The following HCLS1 variants were observed in gnomAD, a reference collection of about 807,000 sequenced individuals.
HCLS1 encodes hematopoietic lineage cell-specific protein.
In HCLS1, 44 loss-of-function variants were observed where a neutral mutation model predicts 68.6. That is an observed-to-expected ratio of 0.64 (90% CI 0.50 to 0.82). The LOEUF is 0.82. Among genes scored for constraint, HCLS1 ranks in the 40% least tolerant of loss-of-function variants. The probability of loss-of-function intolerance (pLI) is 0.00; values close to 1 mark genes in which losing one functional copy is unlikely to be tolerated. For synonymous variants in HCLS1, 217 were observed against 225.8 expected, an observed-to-expected ratio of 0.96 and a Z score of 0.35; for missense variants, 602 against 612.1, an observed-to-expected ratio of 0.98 and a Z score of 0.17.
chr3:121,652,264 G>T (rs975163672), intron 3 of HCLS1, among the ~76,000 whole-genome samples: 1 of 152,164 alleles, frequency 6.6e-6, no homozygotes, highest in Non-Finnish European at 1.5e-5. Context: ...CATGGTAATA[G>T]ATATATTCTA....
intron 2 of HCLS1, chr3:121,658,057 C>T: frequency 3.7e-6 from 2 of 543,174 alleles, no homozygotes; most frequent in South Asian, 4.4e-5. Context: ...CAAACTCACC[C>T]ACACCTGTCT....
Position 121,658,286 on chromosome 3 carries a change from C to T in HCLS1, c.62G>A (p.Trp21Ter). 1 of 1,613,910 alleles carries T rather than the reference C, an allele frequency of 6.2e-7. No homozygotes were observed. The highest frequency in any genetic ancestry group is 2.2e-5 in the East Asian group (1 of 44,872). Residue 21 changes from tryptophan to a stop codon, truncating the protein, a stop_gained, in exon 2 of 14, where the codon TGG becomes TAG. Coordinates refer to ENST00000314583, the MANE Select transcript of HCLS1 (RefSeq NM_005335.6). LOFTEE classifies it high-confidence loss of function. The stretch of plus-strand genomic sequence containing the variant: ...CACCACAAAGTCAGGATCTGTGTCC[C>T]AATCATCACCCTGGGTCTCCACGGA... Reference protein sequence around the residue: ...SVSVETQGDDWDTDPDFVNDI... With the variant: ...SVSVETQGDD
At chr3:121,649,844 GTGTT>G (rs202222919) in intron 3 of HCLS1, among the ~76,000 whole-genome samples, 2,573 of 152,236 alleles carry the variant, frequency 0.017, 59 homozygotes, top group African/African-American at 0.058. Context: ...TCCTCAATCT[GTGTT>G]TGTTTTTTAT....
chr3:121,635,237 T>TCTCTC (rs2049138799), intron 9 of HCLS1, among the ~76,000 whole-genome samples: 1 of 114,342 alleles, frequency 8.7e-6, no homozygotes, highest in African/African-American at 3.8e-5. Context: ...TCTCTCCCTT[T>TCTCTC]TCTCTCTCTC....
chr3:121,654,264 T>C (rs6791896), intron 3 of HCLS1: 106,074 of 152,274 alleles, frequency 0.7, 37,726 homozygotes, highest in East Asian at 0.85. Flanking sequence ...TCCTGAGTAG[T>C]TGGGTCTATA....
At chr3:121,632,971 A>G (rs2049114335) in intron 11 of HCLS1, 96 bp downstream of exon 11, 1 of 791,526 alleles carries the variant, frequency 1.3e-6, no homozygotes, top group South Asian at 1.7e-5. Flanking sequence ...AGAACAGTGC[A>G]AGGCAAACCA....
intron 2 of HCLS1, 30 bp downstream of exon 2, chr3:121,658,234 C>T (rs1239160921): frequency 6.4e-7 from 1 of 1,566,486 alleles, no homozygotes; most frequent in South Asian, 1.1e-5. Flanking sequence ...ACCCTCTGCA[C>T]TGTCCAAGCA....
At chr3:121,652,379 A>C (rs966764992) in intron 3 of HCLS1, among the ~76,000 whole-genome samples, 1 of 152,188 alleles carries the variant, frequency 6.6e-6, no homozygotes, top group African/African-American at 2.4e-5. Context: ...TTGCCTGGGC[A>C]ATGGTGGCTT....
chr3:121,645,830 T>A (rs1238281285), intron 4 of HCLS1, among the ~76,000 whole-genome samples: 1 of 147,652 alleles, frequency 6.8e-6, no homozygotes, highest in Non-Finnish European at 1.5e-5. Flanking sequence ...TTTAGCAAAA[T>A]TTTTAAATAT....
In HCLS1 at chr3:121,634,257, T is replaced by C. The variant is rs1417442477; in HGVS notation, c.853A>G (p.Met285Val). 2 of 1,614,190 alleles carry C rather than the reference T, an allele frequency of 1.2e-6. No individual in the cohort carries two copies. The highest frequency in any genetic ancestry group is 1.7e-6 in the Non-Finnish European group (2 of 1,180,028). The change falls in exon 10 of 14, where the codon ATG becomes GTG. Residue 285 changes from methionine (M) to valine (V), a missense_variant. Transcript: ENST00000314583. The stretch of plus-strand genomic sequence containing the variant: ...GGGGCCGGTACTGCTGGCTCTTCCA[T>C]AGCTATCACTGGCTGTGGAGCCTCA... ...SPEAPQPVIA[M>V]EEPAVPAPLP...
chr3:121,647,272 C>T (rs1163994779), intron 4 of HCLS1, 47 bp downstream of exon 4: 4 of 1,604,678 alleles, frequency 2.5e-6, no homozygotes, highest in Non-Finnish European at 3.4e-6. Flanking sequence ...TGAGCCACCG[C>T]ACCCGGCTTG....
chr3:121,647,831 A>G (rs569013828), intron 3 of HCLS1, among the ~76,000 whole-genome samples: 1 of 152,308 alleles, frequency 6.6e-6, no homozygotes, highest in African/African-American at 2.4e-5. Context: ...AAAAAGCAGA[A>G]AAATATTCAC....
At chr3:121,647,260 C>T (rs534312451) in intron 4 of HCLS1, 59 bp downstream of exon 4, 393 of 1,578,554 alleles carry the variant, frequency 2.5e-4, no homozygotes, top group African/African-American at 2.1e-3. Context: ...GGATTACAGG[C>T]GTGAGCCACC....
chr3:121,647,731 T>C (rs1937643928), intron 3 of HCLS1, among the ~76,000 whole-genome samples: 1 of 152,218 alleles, frequency 6.6e-6, no homozygotes, highest in African/African-American at 2.4e-5. Context: ...TCTTAAATAT[T>C]AGAGGACAAT....
At chr3:121,659,417 G>C (rs1937943745) in intron 1 of HCLS1, among the ~76,000 whole-genome samples, 1 of 152,046 alleles carries the variant, frequency 6.6e-6, no homozygotes, top group Non-Finnish European at 1.5e-5. Flanking sequence ...CATCCCATTG[G>C]AGACCTTCCC....
rs2049128945 is a variant in HCLS1, at chr3:121,634,326, C to CGGA, written c.783_784insTCC (p.Val261_Ala262insSer). The CGGA allele has an allele frequency of 6.2e-7, 1 of 1,614,054 alleles. No homozygotes were observed. Among genetic ancestry groups the CGGA allele is most frequent in the Non-Finnish European group, 8.5e-7 (1 of 1,180,032 alleles). On this transcript the variant is annotated inframe_insertion, in exon 10 of 14. Coordinates refer to ENST00000314583, the MANE Select transcript of HCLS1 (RefSeq NM_005335.6). ...GCCTTTCGCTCCTGTTGCCTCCTGG[C>CGGA]CACCTGCTGTGCCTTCTCCTCTTCC...
chr3:121,644,320 T>G, intron 5 of HCLS1: 1 of 219,322 alleles, frequency 4.6e-6, no homozygotes. Context: ...TGTTTTGTTT[T>G]GTACAAAGGA....
chr3:121,632,412 T>G lies in HCLS1; in HGVS notation c.1160A>C (p.His387Pro). Reference sequence around the variant, plus strand: ...CCCCTCTGGTTCATCCTCCTGCTCATGCCTGTCCATCTCCTCAACGTCCTC... The same window carrying G: ...CCCCTCTGGTTCATCCTCCTGCTCAGGCCTGTCCATCTCCTCAACGTCCTC... Reference protein sequence around the residue: ...DYEDVEEMDRHEQEDEPEGDY... With the variant: ...DYEDVEEMDRPEQEDEPEGDY... The change falls in exon 12 of 14, where the codon CAT (histidine) becomes CCT (proline). Residue 387 changes from histidine to proline, a missense_variant. By Grantham distance (77) the His-to-Pro change is moderately conservative. Coordinates refer to ENST00000314583, the MANE Select transcript of HCLS1 (RefSeq NM_005335.6). 6.2e-7 allele frequency: 1 copy of G among 1,614,086 alleles called. No homozygotes were observed. Among genetic ancestry groups the G allele is most frequent in the Admixed American group, 1.7e-5 (1 of 60,024 alleles).
intron 3 of HCLS1, among the ~76,000 whole-genome samples, chr3:121,652,125 A>C (rs1937764585): frequency 6.6e-6 from 1 of 152,254 alleles, no homozygotes; most frequent in African/African-American, 2.4e-5. Flanking sequence ...TGCTGAAAGA[A>C]GACAACACAA....
Sources: allele counts gnomAD v4.1 joint callset (sites outside exome capture counted in the v4.1 genomes callset), GRCh38; gene constraint gnomAD v4.1.1; transcripts MANE v1.5; gene names NCBI Gene and HGNC (gene_info 2026-07-23, HGNC 2026-07-21).